Variants in KMT2C observed in about 807,000 individuals in gnomAD.
KMT2C encodes the protein lysine methyltransferase 2C, also known as histone-lysine N-methyltransferase 2C.
Under a neutral mutation model 507.9 loss-of-function variants are expected in KMT2C, and 88 were observed. That is an observed-to-expected ratio of 0.17 (90% CI 0.15 to 0.21). The LOEUF is 0.21. Among genes scored for constraint, KMT2C ranks in the 10% least tolerant of loss-of-function variants. The pLI, the probability that KMT2C is intolerant of heterozygous loss-of-function variation, is 1.00. For missense variants in KMT2C, 4,954 were observed against 5,957.8 expected (o/e 0.83, Z 5.55); for synonymous variants, 2,049 against 2,080.8 (o/e 0.98, Z 0.42).
At chr7:152,139,619 G>T in intron 56 of KMT2C, 56 bp downstream of exon 56, 2 of 1,206,478 alleles carry the variant, frequency 1.7e-6, no homozygotes, top group Non-Finnish European at 2.5e-6. Flanking sequence ...GGCTGGCACG[G>T]AGAAAGGGAG....
intron 38 of KMT2C, among the ~76,000 whole-genome samples, chr7:152,174,669 T>C (rs1431609416): frequency 1.3e-5 from 2 of 152,056 alleles, no homozygotes; most frequent in African/African-American, 2.4e-5. Context: ...AATAAGAAGC[T>C]ACTACGAAAA....
chr7:152,212,077 C>A (rs558780505), intron 23 of KMT2C, among the ~76,000 whole-genome samples: 1 of 151,684 alleles, frequency 6.6e-6, no homozygotes, highest in Admixed American at 6.6e-5. Context: ...AGAGAAGAGA[C>A]GAGACGAGGA....
intron 43 of KMT2C, among the ~76,000 whole-genome samples, chr7:152,160,603 T>G (rs1372082173): frequency 6.7e-6 from 1 of 148,320 alleles, no homozygotes. Flanking sequence ...GGCAAGAACC[T>G]AAAAATTAAT....
At chr7:152,146,803 A>C in intron 52 of KMT2C, 68 bp from the exon 53 acceptor site, 1 of 1,336,982 alleles carries the variant, frequency 7.5e-7, no homozygotes, top group Non-Finnish European at 1.1e-6. Context: ...GAGCAAAATG[A>C]AGAATAACCA....
At chr7:152,140,760 A>G (rs1457637810) in intron 55 of KMT2C, among the ~76,000 whole-genome samples, 5 of 152,190 alleles carry the variant, frequency 3.3e-5, no homozygotes, top group South Asian at 2.1e-4. Context: ...ATCCGGGAGC[A>G]CATGGTGGGA....
chr7:152,368,315 T>A (rs1449308882), intron 1 of KMT2C: 2 of 1,192,086 alleles, frequency 1.7e-6, no homozygotes, highest in Non-Finnish European at 1.2e-6. Context: ...TATAATGGAG[T>A]TGATAACAAC....
chr7:152,353,399 T>C (rs186576169), intron 2 of KMT2C, among the ~76,000 whole-genome samples: 3 of 152,292 alleles, frequency 2.0e-5, no homozygotes, highest in African/African-American at 4.8e-5. Context: ...TTTCTTAACA[T>C]AAAATATTAC....
intron 31 of KMT2C, among the ~76,000 whole-genome samples, chr7:152,191,008 A>G (rs867522176): frequency 6.6e-6 from 1 of 152,212 alleles, no homozygotes. Context: ...TTTAAAAGGA[A>G]GAAAGATAAG....
chr7:152,302,773 C>T (rs148860491), intron 6 of KMT2C, among the ~76,000 whole-genome samples: 1,826 of 152,174 alleles, frequency 0.012, 41 homozygotes, highest in African/African-American at 0.042. Flanking sequence ...TCCCAAGTAG[C>T]TGAGATTACA....
At chr7:152,264,733 T>C (rs568409226) in intron 8 of KMT2C, among the ~76,000 whole-genome samples, 123 of 152,146 alleles carry the variant, frequency 8.1e-4, no homozygotes, top group African/African-American at 3.0e-3. Context: ...TTTTAAATTG[T>C]TGGCAAATTT....
At chr7:152,168,862 G>A (rs1184263190) in intron 41 of KMT2C, among the ~76,000 whole-genome samples, 2 of 152,114 alleles carry the variant, frequency 1.3e-5, no homozygotes, top group Non-Finnish European at 2.9e-5. Context: ...ACAGTTCTTA[G>A]AGCAAAACGT....
chr7:152,145,327 C>G, intron 53 of KMT2C, 32 bp from the exon 54 acceptor site: 1 of 1,608,634 alleles, frequency 6.2e-7, no homozygotes, highest in Non-Finnish European at 8.5e-7. Context: ...ACAAAGTCAC[C>G]CCATCTGATG....
At chr7:152,147,724 A>AG (rs1441586559) in intron 52 of KMT2C, among the ~76,000 whole-genome samples, 2 of 130,534 alleles carry the variant, frequency 1.5e-5, no homozygotes, top group East Asian at 2.6e-4. Flanking sequence ...AAAAAAAAAA[A>AG]AAAAGAAAAA....
chr7:152,151,714 T>G (rs2091637608), intron 49 of KMT2C, 133 bp from the exon 50 acceptor site: 6 of 620,816 alleles, frequency 9.7e-6, no homozygotes, highest in African/African-American at 9.4e-5. Flanking sequence ...TAAAAAAAAT[T>G]TATCTTCTAA....
intron 1 of KMT2C, among the ~76,000 whole-genome samples, chr7:152,365,930 G>A (rs1486258032): frequency 2.0e-5 from 3 of 152,072 alleles, no homozygotes; most frequent in Admixed American, 6.6e-5. Flanking sequence ...ACTCAAAAAT[G>A]AGCAAAGAAC....
intron 6 of KMT2C, among the ~76,000 whole-genome samples, chr7:152,292,463 T>C (rs1279181143): frequency 4.6e-5 from 7 of 152,198 alleles, no homozygotes; most frequent in Non-Finnish European, 7.3e-5. Context: ...AAGTCATATA[T>C]AATGCCCAAA....
Position 152,315,351 on chromosome 7 carries a change from AAATGT to A in KMT2C, c.390-18_390-14del, listed in dbSNP as rs755574110. On this transcript the variant is annotated splice_polypyrimidine_tract_variant and intron_variant, in intron 3 of 58. Coordinates refer to ENST00000262189, the MANE Select transcript of KMT2C (RefSeq NM_170606.3). ...GCAGAGCTGTTCACTAGTAAAAATGAAATGTAAGTCAGAGAAGGAGAAAAGTAGCT... is the reference window on the plus strand; with the variant it reads ...GCAGAGCTGTTCACTAGTAAAAATGAAAGTCAGAGAAGGAGAAAAGTAGCT... The A allele has an allele frequency of 4.4e-6, 7 of 1,603,372 alleles. No homozygotes were observed. In the South Asian group the frequency reaches 7.7e-5, roughly 18 times the overall value.
In KMT2C at chr7:152,362,673, G is replaced by C. The variant is rs972582362; in HGVS notation, c.162-3998C>G. 3.3e-5 allele frequency among the ~76,000 whole-genome samples: 5 copies of C among 152,118 alleles called. No individual in the cohort carries two copies. In the South Asian group the frequency reaches 6.2e-4, roughly 19 times the overall value. On this transcript the variant is annotated intron_variant, in intron 1 of 58. Coordinates refer to ENST00000262189, the MANE Select transcript of KMT2C (RefSeq NM_170606.3). ...AGACCCATGTTTTGCTCTACTTTGA[G>C]TTTTTTCTCCACTATCTTGACCATC...
intron 51 of KMT2C, among the ~76,000 whole-genome samples, chr7:152,150,107 G>A (rs1364303183): frequency 6.6e-6 from 1 of 152,174 alleles, no homozygotes; most frequent in Non-Finnish European, 1.5e-5. Context: ...CAGTATTACT[G>A]TACAGGAAAA....
Sources: gnomAD v4.1 joint callset for allele counts (sites outside exome capture counted in the v4.1 genomes callset) on GRCh38, gnomAD v4.1.1 for gene constraint, MANE v1.5 for transcripts, NCBI Gene and HGNC (gene_info 2026-07-23, HGNC 2026-07-21) for gene names.